The following RFX1 variants were observed in gnomAD, a reference collection of about 807,000 sequenced individuals.
The protein encoded by RFX1 is regulatory factor X1.
RFX1 carries 42 observed loss-of-function variants against 119.6 expected under a neutral mutation model. The observed-to-expected ratio is 0.35, with a 90% confidence interval of 0.27 to 0.45. The LOEUF is 0.45. RFX1 is among the 20% of genes least tolerant of loss of function. The probability of loss-of-function intolerance (pLI) is 1.00; values close to 1 mark genes in which losing one functional copy is unlikely to be tolerated. For missense variants in RFX1, 1,118 were observed against 1,368.1 expected, an observed-to-expected ratio of 0.82 and a Z score of 2.88; for synonymous variants, 628 against 618.5, an observed-to-expected ratio of 1.02 and a Z score of -0.23.
intron 1 of RFX1, among the ~76,000 whole-genome samples, chr19:13,997,087 G>A (rs186027828): frequency 3.3e-5 from 5 of 152,288 alleles, no homozygotes; most frequent in East Asian, 1.9e-4. Flanking sequence ...AGACCCAAGC[G>A]TCACCTGCAA....
In RFX1 at chr19:13,983,220, G is replaced by A. The variant is rs770139986; in HGVS notation, c.480C>T (p.Pro160=). Residue 160 remains proline (P), a synonymous_variant, in exon 4 of 21, where the codon CCC becomes CCT. Coordinates refer to ENST00000254325, the MANE Select transcript of RFX1 (RefSeq NM_002918.5). ...SVQAKPGHVS[P]LQLTNIQVPQ... ...GCACTTGGATGTTGGTCAGCTGGAG[G>A]GGCGACACGTGGCCTGGCTTGGCCT... is the stretch of plus-strand genomic sequence containing the variant. 2 of 1,580,394 alleles carry A rather than the reference G, an allele frequency of 1.3e-6. No homozygotes were observed. Among genetic ancestry groups the A allele is most frequent in the South Asian group, 2.3e-5 (2 of 86,752 alleles).
intron 2 of RFX1, among the ~76,000 whole-genome samples, chr19:13,988,726 T>G (rs909078547): frequency 6.6e-6 from 1 of 152,070 alleles, no homozygotes; most frequent in African/African-American, 2.4e-5. Context: ...TAGTGTTAAG[T>G]GTTAAGAAGA....
At chr19:13,978,383 G>A (rs945676795) in intron 7 of RFX1, among the ~76,000 whole-genome samples, 1 of 152,152 alleles carries the variant, frequency 6.6e-6, no homozygotes, top group Non-Finnish European at 1.5e-5. Context: ...TGGACCCCAG[G>A]CACAGGGGCA....
intron 5 of RFX1, 33 bp downstream of exon 5, chr19:13,982,088 G>T: frequency 2.6e-6 from 3 of 1,140,224 alleles, no homozygotes; most frequent in Non-Finnish European, 3.5e-6. Context: ...GGAGACAGCA[G>T]GGGGGAGGGC....
chr19:13,974,292 A>G (rs1974184657), intron 8 of RFX1, among the ~76,000 whole-genome samples: 1 of 152,164 alleles, frequency 6.6e-6, no homozygotes, highest in South Asian at 2.1e-4. Flanking sequence ...AGGAATGCAG[A>G]TATGTTTCCC....
chr19:14,005,831 C>G (rs541162051), intron 1 of RFX1, among the ~76,000 whole-genome samples: 1 of 151,318 alleles, frequency 6.6e-6, no homozygotes, highest in South Asian at 2.1e-4. Flanking sequence ...TTCGCGCTCC[C>G]GACATATAAA....
In RFX1 at chr19:13,966,368, G is replaced by T. The variant is rs575616143; in HGVS notation, c.1961+53C>A. 3 of 1,175,554 alleles carry T rather than the reference G, an allele frequency of 2.6e-6. No homozygotes were observed. Among genetic ancestry groups the T allele is most frequent in the East Asian group, 4.7e-5 (2 of 42,400 alleles). 72.8% of individuals were successfully genotyped at this position (1,175,554 alleles called of 1,614,324 possible). A position where few individuals can be genotyped will look rare whatever the true frequency, so the allele number is the denominator to read the frequency against. On this transcript the variant is annotated intron_variant, in intron 14 of 20. Coordinates refer to ENST00000254325, the MANE Select transcript of RFX1 (RefSeq NM_002918.5). This position sits in a 1 kb window ranked among gnomAD's most constrained non-coding sequence, Gnocchi z 6.3. The stretch of plus-strand genomic sequence containing the variant: ...AACCCTGGCCATCAAAATCACCTGC[G>T]GGTCATGCCCTCCTCCCCCCTCTCC...
At position 13,966,679 on chromosome 19, in the gene RFX1, G is replaced by A. The variant is rs1973911082; in HGVS notation, c.1805C>T (p.Pro602Leu). ...GACCTGGAAGGCTTTGATGTCCCCG[G>A]GCCCGACGCCCTCAGGCAGCACCTT... is the stretch of plus-strand genomic sequence containing the variant. ...QGKVLPEGVG[P>L]GDIKAFQVLY... is the part of the protein sequence containing the mutation. The change falls in exon 13 of 21, where the codon CCC becomes CTC. Residue 602 changes from proline to leucine, a missense_variant. Physicochemically the swap from Pro to Leu is moderately conservative, Grantham distance 98. Transcript: ENST00000254325. The surrounding 1 kb of genome is among the most constrained non-coding windows in gnomAD (Gnocchi z 6.3). 6.2e-7 allele frequency: 1 copy of A among 1,611,364 alleles called. No homozygotes were observed. Among genetic ancestry groups the A allele is most frequent in the Non-Finnish European group, 8.5e-7 (1 of 1,178,938 alleles).
intron 2 of RFX1, among the ~76,000 whole-genome samples, chr19:13,989,176 G>A (rs539934489): frequency 2.8e-4 from 43 of 152,132 alleles, no homozygotes; most frequent in Non-Finnish European, 4.9e-4. Flanking sequence ...AGAGGGTACC[G>A]AGAGTGCAAA....
chr19:13,982,290 G>A (rs1279402534), intron 4 of RFX1, 62 bp from the exon 5 acceptor site: 3 of 938,052 alleles, frequency 3.2e-6, no homozygotes, highest in Non-Finnish European at 4.3e-6. Flanking sequence ...GTTGCACCGA[G>A]CATCTGCGCA....
chr19:13,983,971 C>T (rs925662708), intron 2 of RFX1, among the ~76,000 whole-genome samples: 13 of 152,158 alleles, frequency 8.5e-5, no homozygotes, highest in Non-Finnish European at 1.6e-4. Flanking sequence ...GTCCTGGCAG[C>T]GCTGGAAGGA....
intron 1 of RFX1, among the ~76,000 whole-genome samples, chr19:14,005,407 G>A (rs1427902797): frequency 6.6e-6 from 1 of 152,198 alleles, no homozygotes; most frequent in Non-Finnish European, 1.5e-5. Context: ...ATCAGGACTA[G>A]CTGACAGTTA....
In RFX1 at chr19:13,968,683, G is replaced by A. The variant is rs747945087; in HGVS notation, c.1617-3C>T. On this transcript the variant is annotated splice_polypyrimidine_tract_variant and splice_region_variant and intron_variant, in intron 11 of 20. Transcript: ENST00000254325. The surrounding 1 kb of genome is among the most constrained non-coding windows in gnomAD (Gnocchi z 5.5). The stretch of plus-strand genomic sequence containing the variant: ...CCATCTTCTGGATGGGCTTGAGCCT[G>A]GAGTAGAATGGGCAGGTGGGCCGGC... 2.5e-6 allele frequency: 4 copies of A among 1,612,760 alleles called. No homozygotes were observed. The highest frequency in any genetic ancestry group is 3.4e-6 in the Non-Finnish European group (4 of 1,179,776).
intron 1 of RFX1, among the ~76,000 whole-genome samples, chr19:14,000,510 C>G (rs1975180724): frequency 6.6e-6 from 1 of 152,044 alleles, no homozygotes; most frequent in Non-Finnish European, 1.5e-5. Flanking sequence ...GCACACATCT[C>G]CTAATGACTG....
rs1186667698 is a variant in RFX1 at position 13,963,642 on chromosome 19, C to A, written c.2466G>T (p.Ala822=). ...LQQQNSLEQW[A]AWLDGVVSQV... ...GGCTCACCACGCCGTCCAGCCAGGC[C>A]GCCCACTGCTCCAGCGAGTTCTGCT... The change falls in exon 18 of 21, where the codon GCG becomes GCT. Residue 822 remains alanine, a synonymous_variant. Coordinates refer to ENST00000254325, the MANE Select transcript of RFX1 (RefSeq NM_002918.5). 1.9e-6 allele frequency: 3 copies of A among 1,602,088 alleles called. No homozygotes were observed. The highest frequency in any genetic ancestry group is 2.2e-5 in the East Asian group (1 of 44,538).
chr19:13,985,005 C>T lies in RFX1; in HGVS notation c.320-1410G>A, dbSNP rs941650933. On this transcript the variant is annotated intron_variant, in intron 2 of 20. Coordinates refer to ENST00000254325, the MANE Select transcript of RFX1 (RefSeq NM_002918.5). This position sits in a 1 kb window ranked among gnomAD's most constrained non-coding sequence, Gnocchi z 4.3. ...CCTCCCAAGTAGCTGGGACTACACG[C>T]ATGCACCACCATGTCCGGCTAATTT... Among the ~76,000 whole-genome samples, 1 of 152,102 alleles carries T rather than the reference C, an allele frequency of 6.6e-6. No homozygotes were observed. Among genetic ancestry groups the T allele is most frequent in the African/African-American group, 2.4e-5 (1 of 41,412 alleles).
At chr19:14,004,445 C>A (rs192020233) in intron 1 of RFX1, among the ~76,000 whole-genome samples, 78 of 152,180 alleles carry the variant, frequency 5.1e-4, no homozygotes, top group African/African-American at 1.8e-3. Context: ...GAGGCGGAGG[C>A]TGCAGTGAGC....
At chr19:13,997,385 C>G (rs1185383310) in intron 1 of RFX1, among the ~76,000 whole-genome samples, 26 of 152,246 alleles carry the variant, frequency 1.7e-4, no homozygotes, top group African/African-American at 6.3e-4. Context: ...ACGGCTCCAT[C>G]TGTGAAATGG....
chr19:14,005,606 C>T (rs1975344505), intron 1 of RFX1, among the ~76,000 whole-genome samples: 1 of 152,194 alleles, frequency 6.6e-6, no homozygotes, highest in Non-Finnish European at 1.5e-5. Context: ...AGTTCTGAGT[C>T]CTGGGACAAC....
Sources: allele counts gnomAD v4.1 joint callset (sites outside exome capture counted in the v4.1 genomes callset), GRCh38; gene constraint gnomAD v4.1.1; non-coding constraint Gnocchi (gnomAD v3.1); transcripts MANE v1.5; gene names NCBI Gene and HGNC (gene_info 2026-07-23, HGNC 2026-07-21).